GRIK4: variants seen among roughly 807,000 people sequenced by gnomAD.
GRIK4 encodes the protein glutamate ionotropic receptor kainate type subunit 4, also known as glutamate receptor ionotropic, kainate 4.
A neutral mutation model predicts 104.9 loss-of-function variants in GRIK4; 40 were observed. That is an observed-to-expected ratio of 0.38 (90% CI 0.30 to 0.50). The LOEUF is 0.50. Among genes scored for constraint, GRIK4 ranks in the 20% least tolerant of loss-of-function variants. The pLI, the probability that GRIK4 is intolerant of heterozygous loss-of-function variation, is 0.93. For synonymous variants in GRIK4, 485 were observed against 524.9 expected, an observed-to-expected ratio of 0.92 and a Z score of 1.04; for missense variants, 1,047 against 1,308.1, an observed-to-expected ratio of 0.80 and a Z score of 3.08.
intron 20 of GRIK4, among the ~76,000 whole-genome samples, 161 bp downstream of exon 20, chr11:120,982,385 G>A (rs886933473): frequency 6.6e-6 from 1 of 152,204 alleles, no homozygotes; most frequent in African/African-American, 2.4e-5. Context: ...TCATTACTTA[G>A]TAATTATTAT....
chr11:120,764,533 T>G (rs1591883249), intron 3 of GRIK4, among the ~76,000 whole-genome samples: 1 of 152,234 alleles, frequency 6.6e-6, no homozygotes, highest in East Asian at 1.9e-4. Flanking sequence ...AGTTTCTTCA[T>G]AGTGTTGATG....
At chr11:120,882,862 C>T (rs925072001) in intron 11 of GRIK4, among the ~76,000 whole-genome samples, 1 of 152,108 alleles carries the variant, frequency 6.6e-6, no homozygotes, top group Admixed American at 6.5e-5. Flanking sequence ...TCTGCCCCAG[C>T]AATACCAGAT....
chr11:120,738,064 A>G (rs12794113), intron 3 of GRIK4, among the ~76,000 whole-genome samples: 1,216 of 120,650 alleles, frequency 0.01, 5 homozygotes, highest in Non-Finnish European at 0.016. Flanking sequence ...GGGCACTCCA[A>G]TGTTTGAACG....
chr11:120,787,808 A>G (rs1952311901), intron 3 of GRIK4, among the ~76,000 whole-genome samples: 2 of 147,062 alleles, frequency 1.4e-5, no homozygotes, highest in African/African-American at 2.5e-5. Context: ...TTAAAATGAC[A>G]TATGTGCCTT....
intron 1 of GRIK4, among the ~76,000 whole-genome samples, chr11:120,516,216 G>A (rs1947722226): frequency 6.6e-6 from 1 of 152,188 alleles, no homozygotes; most frequent in Non-Finnish European, 1.5e-5. Flanking sequence ...GATAGTTTGG[G>A]TGGATAGCAC....
At chr11:120,827,069 C>A (rs1278660533) in intron 6 of GRIK4, among the ~76,000 whole-genome samples, 1 of 152,194 alleles carries the variant, frequency 6.6e-6, no homozygotes, top group African/African-American at 2.4e-5. Flanking sequence ...TGAACTGCTT[C>A]CCACAAGGTT....
chr11:120,780,902 T>A (rs3133858), intron 3 of GRIK4, among the ~76,000 whole-genome samples: 1 of 151,776 alleles, frequency 6.6e-6, no homozygotes, highest in Non-Finnish European at 1.5e-5. Context: ...CCACCACGCC[T>A]GGCTAATTTT....
At chr11:120,850,109 C>A (rs1953940794) in intron 8 of GRIK4, among the ~76,000 whole-genome samples, 1 of 152,200 alleles carries the variant, frequency 6.6e-6, no homozygotes, top group Non-Finnish European at 1.5e-5. Flanking sequence ...AACAGGGAAC[C>A]TCCCTGTAGT....
rs1436183719 is a variant in GRIK4, at chr11:120,903,009, C to T, written c.1273-2281C>T. ...GCTGCCCACTTCATCACGCCCACATCCTGCTCTCCCTCACAGTCCCTCCAT... is the reference window on the plus strand; with the variant it reads ...GCTGCCCACTTCATCACGCCCACATTCTGCTCTCCCTCACAGTCCCTCCAT... On this transcript the variant is annotated intron_variant, in intron 12 of 20. Transcript: ENST00000527524. The surrounding 1 kb of genome is among the most constrained non-coding windows in gnomAD (Gnocchi z 4.4). Among the ~76,000 whole-genome samples the T allele has an allele frequency of 6.6e-6, 1 of 152,156 alleles. No homozygotes were observed. Among genetic ancestry groups the T allele is most frequent in the Middle Eastern group, 3.2e-3 (1 of 316 alleles).
At chr11:120,587,437 G>A (rs2135106129) in intron 1 of GRIK4, among the ~76,000 whole-genome samples, 1 of 152,284 alleles carries the variant, frequency 6.6e-6, no homozygotes, top group Non-Finnish European at 1.5e-5. Flanking sequence ...TATTGCATGT[G>A]TCACCTGGGA....
intron 13 of GRIK4, among the ~76,000 whole-genome samples, chr11:120,928,146 T>C (rs751566839): frequency 3.0e-5 from 4 of 131,352 alleles, no homozygotes; most frequent in Non-Finnish European, 6.4e-5. Flanking sequence ...ACCTGGGAGG[T>C]GGAGCTGCAG....
chr11:120,527,174 C>CGGCT lies in GRIK4; in HGVS notation c.-159+15288_-159+15291dup, dbSNP rs1462750451. Among the ~76,000 whole-genome samples the CGGCT allele has an allele frequency of 3.9e-5, 6 of 152,338 alleles. No homozygotes were observed. In the East Asian group the frequency reaches 1.2e-3, roughly 29 times the overall value. ...AGGTGGGGTTGCCCTGATCCCGCCT[C>CGGCT]GGCTTGCCGGGGCTTTGGCTTCTGG... is the stretch of plus-strand genomic sequence containing the variant. On this transcript the variant is annotated intron_variant, in intron 1 of 20. Coordinates refer to ENST00000527524, the MANE Select transcript of GRIK4 (RefSeq NM_014619.5).
At chr11:120,738,781 G>C (rs1304764114) in intron 3 of GRIK4, among the ~76,000 whole-genome samples, 3 of 152,200 alleles carry the variant, frequency 2.0e-5, no homozygotes, top group African/African-American at 7.2e-5. Context: ...TGGCAAAGTT[G>C]AGAGGATGTA....
chr11:120,913,609 T>A (rs1943045025), intron 13 of GRIK4, among the ~76,000 whole-genome samples: 1 of 151,960 alleles, frequency 6.6e-6, no homozygotes, highest in Admixed American at 6.6e-5. Context: ...ATGGCACATT[T>A]AAGTTCAAAG....
At chr11:120,528,864 G>A (rs184171064) in intron 1 of GRIK4, among the ~76,000 whole-genome samples, 1 of 152,282 alleles carries the variant, frequency 6.6e-6, no homozygotes, top group African/African-American at 2.4e-5. Context: ...CACGACACAT[G>A]GGAACTGTGG....
intron 3 of GRIK4, among the ~76,000 whole-genome samples, chr11:120,726,671 G>T (rs778471620): frequency 8.5e-5 from 13 of 152,116 alleles, no homozygotes; most frequent in Non-Finnish European, 1.5e-4. Context: ...GGGGAAATTG[G>T]CTTATTTTGG....
At chr11:120,960,866 G>A in intron 16 of GRIK4, 43 bp from the exon 17 acceptor site, 1 of 1,550,292 alleles carries the variant, frequency 6.5e-7, no homozygotes, top group African/African-American at 1.4e-5. Context: ...AGACTCCAGG[G>A]AGTGCCCGGG....
intron 11 of GRIK4, among the ~76,000 whole-genome samples, chr11:120,895,254 C>T (rs1224219258): frequency 2.6e-5 from 4 of 152,066 alleles, no homozygotes; most frequent in Non-Finnish European, 4.4e-5. Context: ...TAGCGGGGAG[C>T]TGAGGTCTTA....
At chr11:120,666,211 G>A (rs972633162) in intron 3 of GRIK4, among the ~76,000 whole-genome samples, 2 of 152,222 alleles carry the variant, frequency 1.3e-5, no homozygotes, top group Non-Finnish European at 2.9e-5. Context: ...GACCTGCAAG[G>A]CAGGTTGAAG....
Sources: gnomAD v4.1 joint callset for allele counts (sites outside exome capture counted in the v4.1 genomes callset) on GRCh38, gnomAD v4.1.1 for gene constraint, Gnocchi (gnomAD v3.1) non-coding constraint, MANE v1.5 for transcripts, NCBI Gene and HGNC (gene_info 2026-07-23, HGNC 2026-07-21) for gene names.